The following GPC5 variants were observed in gnomAD, a reference collection of about 807,000 sequenced individuals.
The protein encoded by GPC5 is glypican-5.
Under a neutral mutation model 53.9 loss-of-function variants are expected in GPC5, and 47 were observed. The ratio of observed to expected loss-of-function variants is 0.87; its 90% CI spans 0.69 to 1.11. The LOEUF (loss-of-function observed/expected upper bound fraction) is 1.11. GPC5 is among the 50% of genes most tolerant of loss of function. The pLI, the probability that GPC5 is intolerant of heterozygous loss-of-function variation, is 0.00. For synonymous variants in GPC5, 286 were observed against 263.3 expected (o/e 1.09, Z -0.84); for missense variants, 748 against 713.1 (o/e 1.05, Z -0.56).
At chr13:91,443,293 A>G (rs1001018281) in intron 1 of GPC5, among the ~76,000 whole-genome samples, 34 of 152,174 alleles carry the variant, frequency 2.2e-4, no homozygotes, top group Non-Finnish European at 5.0e-4. Flanking sequence ...GACTGTTGTC[A>G]TCAGAAGAAG....
rs922131814 is a variant in GPC5 at position 92,804,632 on chromosome 13, G to A, written c.1562-61650G>A. 5.3e-5 allele frequency among the ~76,000 whole-genome samples: 8 copies of A among 151,956 alleles called. No individual in the cohort carries two copies. The South Asian group carries it at 8.3e-4, about 16-fold the overall frequency. ...TGATGGCAGCCAACTAATCAGAGTG[G>A]AAGTTGCTGAAGGTTGGATTGGCTG... On this transcript the variant is annotated intron_variant, in intron 7 of 7. Coordinates refer to ENST00000377067, the MANE Select transcript of GPC5 (RefSeq NM_004466.6).
At chr13:92,438,723 G>A (rs1164254413) in intron 7 of GPC5, among the ~76,000 whole-genome samples, 1 of 152,006 alleles carries the variant, frequency 6.6e-6, no homozygotes, top group Non-Finnish European at 1.5e-5. Flanking sequence ...AAGGATGTCT[G>A]TAAGTTGACA....
At chr13:92,264,876 C>CTGTGTGTGTGTG (rs1357258483) in intron 7 of GPC5, among the ~76,000 whole-genome samples, 20 of 119,334 alleles carry the variant, frequency 1.7e-4, no homozygotes, top group East Asian at 7.0e-4. Flanking sequence ...CTCTCTCTCT[C>CTGTGTGTGTGTG]TCTGTGTGTG....
intron 7 of GPC5, among the ~76,000 whole-genome samples, chr13:92,710,587 G>T (rs555198126): frequency 6.6e-6 from 1 of 152,262 alleles, no homozygotes; most frequent in South Asian, 2.1e-4. Context: ...TGGATGTTAA[G>T]CAATTAGGGA....
intron 7 of GPC5, among the ~76,000 whole-genome samples, chr13:92,391,069 G>T (rs1488899188): frequency 2.6e-5 from 4 of 151,904 alleles, no homozygotes; most frequent in African/African-American, 7.3e-5. Flanking sequence ...TTTTTAATTT[G>T]CTTTGTATAA....
intron 5 of GPC5, among the ~76,000 whole-genome samples, chr13:91,875,958 CA>C (rs1391771288): frequency 6.6e-6 from 1 of 152,172 alleles, no homozygotes; most frequent in African/African-American, 2.4e-5. Flanking sequence ...GGGAGGGACC[CA>C]GGGGGAGGTA....
At chr13:91,470,608 A>G (rs1882559027) in intron 2 of GPC5, among the ~76,000 whole-genome samples, 1 of 152,164 alleles carries the variant, frequency 6.6e-6, no homozygotes, top group Admixed American at 6.6e-5. Flanking sequence ...GTGATTTTGA[A>G]TCAGGTAAGA....
At chr13:92,799,298 C>T (rs1245703739) in intron 7 of GPC5, among the ~76,000 whole-genome samples, 1 of 151,708 alleles carries the variant, frequency 6.6e-6, no homozygotes, top group African/African-American at 2.4e-5. Context: ...CAAACAGACA[C>T]ATATTAATAT....
chr13:92,496,122 T>C lies in GPC5; in HGVS notation c.1561+351133T>C, dbSNP rs1879971262. Among the ~76,000 whole-genome samples the C allele has an allele frequency of 2.6e-5, 4 of 152,320 alleles. No individual in the cohort carries two copies. In the South Asian group the frequency reaches 8.3e-4, roughly 32 times the overall value. On this transcript the variant is annotated intron_variant, in intron 7 of 7. Transcript: ENST00000377067. ...TATCTGAATTTGTAATCCTCCACAT[T>C]GCAGGTGGTAGTGCTGTAAATTCTT...
intron 6 of GPC5, among the ~76,000 whole-genome samples, chr13:92,097,119 G>A (rs923462055): frequency 3.3e-5 from 5 of 152,168 alleles, no homozygotes; most frequent in Non-Finnish European, 7.4e-5. Context: ...AAGGAAATAA[G>A]AAACATTTTA....
chr13:92,266,085 C>T (rs944236758), intron 7 of GPC5, among the ~76,000 whole-genome samples: 14 of 152,182 alleles, frequency 9.2e-5, no homozygotes, highest in African/African-American at 3.1e-4. Context: ...GCCTAATTGC[C>T]TCTCATTAGT....
intron 6 of GPC5, among the ~76,000 whole-genome samples, chr13:92,081,103 TTTTTA>T (rs1424402522): frequency 5.9e-5 from 9 of 152,300 alleles, no homozygotes; most frequent in African/African-American, 1.4e-4. Flanking sequence ...GTCTTTCAAC[TTTTTA>T]TTTTATTTTA....
At chr13:92,810,266 A>G (rs1877246987) in intron 7 of GPC5, among the ~76,000 whole-genome samples, 1 of 151,262 alleles carries the variant, frequency 6.6e-6, no homozygotes, top group African/African-American at 2.5e-5. Flanking sequence ...CAGTTATTAG[A>G]AAAGAATTAG....
At chr13:91,494,013 A>C (rs984456330) in intron 2 of GPC5, among the ~76,000 whole-genome samples, 1 of 151,936 alleles carries the variant, frequency 6.6e-6, no homozygotes, top group Non-Finnish European at 1.5e-5. Context: ...AGCTGAGACT[A>C]CAGGCACCCA....
chr13:92,312,329 T>TC (rs1203550097), intron 7 of GPC5, among the ~76,000 whole-genome samples: 1 of 151,732 alleles, frequency 6.6e-6, no homozygotes, highest in African/African-American at 2.4e-5. Context: ...TACTGTTGAG[T>TC]GGGGGGAAAA....
chr13:91,434,335 G>A (rs1027275921), intron 1 of GPC5, among the ~76,000 whole-genome samples: 5 of 152,012 alleles, frequency 3.3e-5, no homozygotes, highest in African/African-American at 9.7e-5. Flanking sequence ...ATGGTTTTAG[G>A]TCTAACATTT....
Position 91,782,522 on chromosome 13 carries a change from A to T in GPC5, c.1280+26102A>T, listed in dbSNP as rs575538466. Among the ~76,000 whole-genome samples the T allele has an allele frequency of 7.2e-5, 11 of 152,202 alleles. No homozygotes were observed. In the South Asian group the frequency reaches 2.3e-3, roughly 32 times the overall value. On this transcript the variant is annotated intron_variant, in intron 5 of 7. Coordinates refer to ENST00000377067, the MANE Select transcript of GPC5 (RefSeq NM_004466.6). ...CATCAGATCCCATGAGAACTCACTC[A>T]CTATCATGAGAATAGCATGGGGGAA...
At chr13:91,719,039 T>C (rs781729867) in intron 3 of GPC5, among the ~76,000 whole-genome samples, 3 of 147,944 alleles carry the variant, frequency 2.0e-5, no homozygotes. Flanking sequence ...CTTCACACAG[T>C]TAAAGAGAAA....
At chr13:91,496,918 A>G (rs1025782483) in intron 2 of GPC5, among the ~76,000 whole-genome samples, 2 of 152,200 alleles carry the variant, frequency 1.3e-5, no homozygotes, top group Admixed American at 6.5e-5. Flanking sequence ...TGTACCCGCA[A>G]CAGTTAAAAA....
Sources: allele counts gnomAD v4.1 joint callset (sites outside exome capture counted in the v4.1 genomes callset), GRCh38; gene constraint gnomAD v4.1.1; transcripts MANE v1.5; gene names NCBI Gene and HGNC (gene_info 2026-07-23, HGNC 2026-07-21).